LIPM: variants seen among roughly 807,000 people sequenced by gnomAD.
LIPM encodes lipase member M.
LIPM carries 42 observed loss-of-function variants against 42.4 expected under a neutral mutation model. The observed-to-expected ratio is 0.99, with a 90% CI of 0.77 to 1.28. The LOEUF is 1.28. Ranked by LOEUF, LIPM falls within the 50% of genes most tolerant of loss-of-function variation. LIPM has a pLI of 0.00. For missense variants in LIPM, 524 were observed against 520.1 expected (o/e 1.01, Z -0.07); for synonymous variants, 177 against 173.3 (o/e 1.02, Z -0.17).
intron 1 of LIPM, among the ~76,000 whole-genome samples, chr10:88,804,390 T>G (rs1220379788): frequency 2.0e-5 from 3 of 152,326 alleles, no homozygotes; most frequent in Non-Finnish European, 4.4e-5. Flanking sequence ...GGCTCTGCCT[T>G]TAAGCAGCTA....
chr10:88,807,961 T>G (rs2133052340), intron 1 of LIPM, among the ~76,000 whole-genome samples: 2 of 152,312 alleles, frequency 1.3e-5, no homozygotes, highest in East Asian at 3.9e-4. Flanking sequence ...CCTAAAGAGC[T>G]TGAGACACAA....
intron 2 of LIPM, among the ~76,000 whole-genome samples, chr10:88,810,794 G>C (rs897728553): frequency 6.6e-6 from 1 of 152,112 alleles, no homozygotes; most frequent in African/African-American, 2.4e-5. Context: ...CTCTTGTTAG[G>C]GGAATCACAA....
chr10:88,804,633 G>T (rs182323234), intron 1 of LIPM, among the ~76,000 whole-genome samples: 91 of 152,084 alleles, frequency 6.0e-4, no homozygotes, highest in African/African-American at 2.0e-3. Context: ...TGCCCCGGCT[G>T]CTCATTAGCA....
chr10:88,803,545 G>A (rs1375040005), intron 1 of LIPM, among the ~76,000 whole-genome samples: 4 of 151,440 alleles, frequency 2.6e-5, no homozygotes, highest in South Asian at 2.1e-4. Context: ...AAAGGACCCC[G>A]AGTTAGTGCT....
At chr10:88,804,852 G>T (rs562280596) in intron 1 of LIPM, among the ~76,000 whole-genome samples, 1 of 152,296 alleles carries the variant, frequency 6.6e-6, no homozygotes, top group African/African-American at 2.4e-5. Context: ...GACTCTGGGA[G>T]CACTGCCTAT....
At chr10:88,803,744 A>T (rs1843555356) in intron 1 of LIPM, among the ~76,000 whole-genome samples, 1 of 151,464 alleles carries the variant, frequency 6.6e-6, no homozygotes, top group Admixed American at 6.6e-5. Context: ...ATTCTATTTC[A>T]ATTTCATTGC....
intron 2 of LIPM, 122 bp from the exon 3 acceptor site, chr10:88,812,975 C>T (rs1264141886): frequency 1.3e-6 from 1 of 798,884 alleles, no homozygotes; most frequent in African/African-American, 1.8e-5. Flanking sequence ...GATAACTAAG[C>T]TAGCAAGCAG....
chr10:88,806,254 C>G (rs1843585590), intron 1 of LIPM, among the ~76,000 whole-genome samples: 1 of 152,144 alleles, frequency 6.6e-6, no homozygotes. Flanking sequence ...TGTCCCTATC[C>G]CTACCTCCTT....
rs564466104 is a variant in LIPM at position 88,816,820 on chromosome 10, G to C, written c.863G>C (p.Arg288Pro). 4.0e-5 allele frequency: 62 copies of C among 1,550,302 alleles called. No homozygotes were observed. The highest frequency in any genetic ancestry group is 4.9e-5 in the Non-Finnish European group (56 of 1,145,906). The change falls in exon 7 of 9, where the codon CGA (arginine) becomes CCA (proline). Residue 288 changes from arginine (R) to proline (P), a missense_variant. By Grantham distance (103) the Arg-to-Pro change is moderately radical. Coordinates refer to ENST00000404743, the MANE Select transcript of LIPM (RefSeq NM_001128215.1). ...AATACTCATGGTTTGTTACAGAGCC[G>C]AGCAAGTGTATATGCTGCCCACACT... ...GFNTNNMNMS[R>P]ASVYAAHTLA...
intron 2 of LIPM, among the ~76,000 whole-genome samples, chr10:88,810,161 T>C (rs887671562): frequency 2.6e-5 from 4 of 152,130 alleles, no homozygotes; most frequent in Non-Finnish European, 4.4e-5. Context: ...ACTAAATGAG[T>C]GCTGAGCACA....
intron 2 of LIPM, among the ~76,000 whole-genome samples, chr10:88,811,208 G>A (rs1843651243): frequency 6.6e-6 from 1 of 152,140 alleles, no homozygotes; most frequent in Non-Finnish European, 1.5e-5. Flanking sequence ...TCTGAGGTCG[G>A]GCAGCATGCT....
chr10:88,810,773 A>G (rs1451731332), intron 2 of LIPM, among the ~76,000 whole-genome samples: 4 of 152,162 alleles, frequency 2.6e-5, no homozygotes, highest in Non-Finnish European at 2.9e-5. Context: ...AATGATATAA[A>G]TGAGCCATTC....
chr10:88,817,131 A>G (rs1720739262), intron 7 of LIPM, among the ~76,000 whole-genome samples: 1 of 152,166 alleles, frequency 6.6e-6, no homozygotes, highest in South Asian at 2.1e-4. Context: ...AATTTAGATG[A>G]TCCAAGTGAG....
chr10:88,814,513 G>T lies in LIPM; in HGVS notation c.465-17G>T. 1 of 1,494,454 alleles carries T rather than the reference G, an allele frequency of 6.7e-7. No homozygotes were observed. The allele number at this position is 1,494,454 out of a possible 1,614,324, so 92.6% of individuals were successfully genotyped here. A position where few individuals can be genotyped will look rare whatever the true frequency, so the allele number is the denominator to read the frequency against. On this transcript the variant is annotated splice_polypyrimidine_tract_variant and intron_variant, in intron 3 of 8. Coordinates refer to ENST00000404743, the MANE Select transcript of LIPM (RefSeq NM_001128215.1). ...TGATTATAATTTTTCATATAACTTT[G>T]TCTTTTCCCCTTGTAGTTATGATGA...
chr10:88,802,963 G>A lies in LIPM; in HGVS notation c.67G>A (p.Val23Met). 1 of 1,551,344 alleles carries A rather than the reference G, an allele frequency of 6.4e-7. No homozygotes were observed. The highest frequency in any genetic ancestry group is 1.4e-5 in the African/African-American group (1 of 73,152). Residue 23 changes from valine to methionine, a missense_variant, in exon 1 of 9, where the codon GTG becomes ATG. Coordinates refer to ENST00000404743, the MANE Select transcript of LIPM (RefSeq NM_001128215.1). ...AATGGAAATGTGGCTTCTGATTCTG[G>A]TGGCGTATATGTTCCAGAGAAATGT... ...HRMEMWLLIL[V>M]AYMFQRNVNS... is the part of the protein sequence containing the mutation.
intron 7 of LIPM, among the ~76,000 whole-genome samples, 168 bp downstream of exon 7, chr10:88,817,055 A>G (rs1482292469): frequency 6.6e-6 from 1 of 152,202 alleles, no homozygotes; most frequent in Non-Finnish European, 1.5e-5. Context: ...GATCACTGAA[A>G]CTTTTCAAGA....
intron 1 of LIPM, among the ~76,000 whole-genome samples, chr10:88,807,817 C>T (rs1021531864): frequency 6.6e-6 from 1 of 152,172 alleles, no homozygotes; most frequent in African/African-American, 2.4e-5. Context: ...TGCTTTAGAA[C>T]CATCTTATCT....
In LIPM at chr10:88,807,407, G is replaced by C. The variant is rs1025530732; in HGVS notation, c.148-891G>C. On this transcript the variant is annotated intron_variant, in intron 1 of 8. Coordinates refer to ENST00000404743, the MANE Select transcript of LIPM (RefSeq NM_001128215.1). ...CATGTGATGTTTGGCCTTCTCTCTTGCTCTTTTTTAAAGCAGCCCCTGATG... is the reference window on the plus strand; with the variant it reads ...CATGTGATGTTTGGCCTTCTCTCTTCCTCTTTTTTAAAGCAGCCCCTGATG... Among the ~76,000 whole-genome samples the C allele has an allele frequency of 3.9e-5, 6 of 152,236 alleles. No homozygotes were observed. In the Middle Eastern group the frequency reaches 0.01, roughly 259 times the overall value.
chr10:88,815,778 A>G (rs902433983), intron 6 of LIPM, among the ~76,000 whole-genome samples: 1 of 152,208 alleles, frequency 6.6e-6, no homozygotes. Flanking sequence ...AAAAAGAGCA[A>G]TTAGCACATG....
Sources: allele counts gnomAD v4.1 joint callset (sites outside exome capture counted in the v4.1 genomes callset), GRCh38; gene constraint gnomAD v4.1.1; transcripts MANE v1.5; gene names NCBI Gene and HGNC (gene_info 2026-07-23, HGNC 2026-07-21).